TRIM37: variants seen among roughly 807,000 people sequenced by gnomAD.
TRIM37 encodes tripartite motif containing 37.
A neutral mutation model predicts 129.8 loss-of-function variants in TRIM37; 80 were observed. The observed-to-expected ratio is 0.62, with a 90% CI of 0.51 to 0.74. The LOEUF (loss-of-function observed/expected upper bound fraction) is 0.74. Ranked by LOEUF, TRIM37 falls within the 30% of genes least tolerant of loss-of-function variation. The pLI, the probability that TRIM37 is intolerant of heterozygous loss-of-function variation, is 0.00. For missense variants in TRIM37, 1,054 were observed against 1,176.5 expected (o/e 0.90, Z 1.52); for synonymous variants, 389 against 387.1 (o/e 1.00, Z -0.06).
intron 21 of TRIM37, among the ~76,000 whole-genome samples, chr17:59,014,901 C>T (rs1390993549): frequency 6.7e-6 from 1 of 149,090 alleles, no homozygotes; most frequent in Non-Finnish European, 1.5e-5. Context: ...CCCATCTCTA[C>T]TAAAAATACC....
chr17:58,987,778 T>G (rs988838486), intron 24 of TRIM37, among the ~76,000 whole-genome samples: 1 of 152,202 alleles, frequency 6.6e-6, no homozygotes, highest in African/African-American at 2.4e-5. Flanking sequence ...ATTCAAACAT[T>G]TAAAAAACTA....
chr17:59,051,377 T>C, intron 13 of TRIM37, 49 bp from the exon 14 acceptor site: 2 of 1,330,702 alleles, frequency 1.5e-6, no homozygotes, highest in Non-Finnish European at 2.2e-6. Flanking sequence ...TAGTAAAACA[T>C]TATCAGTCTA....
intron 22 of TRIM37, among the ~76,000 whole-genome samples, chr17:59,007,600 C>G (rs955182816): frequency 6.6e-6 from 1 of 151,962 alleles, no homozygotes; most frequent in Non-Finnish European, 1.5e-5. Context: ...TTACAAAGAA[C>G]AAGAAATAAA....
At chr17:59,013,987 G>GA (rs574979015) in intron 21 of TRIM37, among the ~76,000 whole-genome samples, 115 of 142,804 alleles carry the variant, frequency 8.1e-4, no homozygotes, top group South Asian at 1.3e-3. Context: ...TTACACTCTA[G>GA]AAAAAAAAAA....
chr17:59,029,985 G>A (rs948180956), intron 18 of TRIM37, among the ~76,000 whole-genome samples: 1 of 141,256 alleles, frequency 7.1e-6, no homozygotes, highest in Admixed American at 6.9e-5. Flanking sequence ...AGTAAAAACA[G>A]ATATTCATCA....
At chr17:59,081,715 C>T (rs145848712) in intron 5 of TRIM37, among the ~76,000 whole-genome samples, 186 of 151,958 alleles carry the variant, frequency 1.2e-3, no homozygotes, top group Middle Eastern at 3.4e-3. Context: ...CATGACTGGC[C>T]TGGCCAACAC....
intron 20 of TRIM37, 120 bp downstream of exon 20, chr17:59,017,176 T>C: frequency 1.5e-6 from 2 of 1,336,346 alleles, no homozygotes; most frequent in South Asian, 1.2e-5. Flanking sequence ...AAAAAGAAAC[T>C]TTCAAATCCA....
intron 2 of TRIM37, among the ~76,000 whole-genome samples, chr17:59,103,920 C>T (rs1462647057): frequency 1.3e-5 from 2 of 152,118 alleles, no homozygotes; most frequent in Non-Finnish European, 2.9e-5. Flanking sequence ...CACCAACACT[C>T]AAGTTTTAAA....
In TRIM37 at chr17:59,032,045, C is replaced by T. The variant is rs756353741; in HGVS notation, c.1799G>A (p.Arg600Lys). ...YVGSSSRISR[R>K]THLCSAATSS... ...GGTAGCAGCGGAGCATAAATGTGTT[C>T]TTCTTGATATTCTACTACTGGAACC... is the stretch of plus-strand genomic sequence containing the variant. Residue 600 changes from arginine (R) to lysine (K), a missense_variant, in exon 18 of 24, where the codon AGA becomes AAA. Transcript: ENST00000262294. 3.7e-6 allele frequency: 6 copies of T among 1,614,096 alleles called. No individual in the cohort carries two copies. Among genetic ancestry groups the T allele is most frequent in the Non-Finnish European group, 5.1e-6 (6 of 1,180,032 alleles).
intron 2 of TRIM37, among the ~76,000 whole-genome samples, chr17:59,096,549 CA>C (rs11463387): frequency 1.5e-4 from 14 of 90,794 alleles, no homozygotes; most frequent in South Asian, 3.8e-4. Context: ...GACTCTGTCT[CA>C]AAAAAAAAAA....
At chr17:59,091,487 T>C (rs552416422) in intron 2 of TRIM37, 147 bp from the exon 3 acceptor site, 16 of 147,602 alleles carry the variant, frequency 1.1e-4, no homozygotes, top group Non-Finnish European at 1.7e-4. Flanking sequence ...ATATAATATA[T>C]AATATATTAT....
At chr17:58,973,666 A>G in the TRIM37 span, among the ~76,000 whole-genome samples, 1 of 151,014 alleles carries the variant, frequency 6.6e-6, no homozygotes, top group African/African-American at 2.4e-5. Flanking sequence ...AACAAAAAAA[A>G]CAAAGGCCGG....
the TRIM37 span, chr17:58,972,004 A>G: frequency 4.8e-6 from 4 of 835,728 alleles, no homozygotes; most frequent in Non-Finnish European, 7.2e-6. Flanking sequence ...GAATTATTAT[A>G]TATGTGTGAA....
intron 16 of TRIM37, 38 bp from the exon 17 acceptor site, chr17:59,041,936 T>C: frequency 6.7e-7 from 1 of 1,484,582 alleles, no homozygotes. Flanking sequence ...TATAGAGTGA[T>C]ACAATAAACG....
chr17:59,100,033 T>C (rs1489301856), intron 2 of TRIM37, among the ~76,000 whole-genome samples: 2 of 152,066 alleles, frequency 1.3e-5, no homozygotes, highest in Non-Finnish European at 2.9e-5. Context: ...AACTCCCGAA[T>C]TCAGGTGATC....
chr17:59,061,337 A>T (rs2041472996), intron 11 of TRIM37, among the ~76,000 whole-genome samples: 1 of 152,106 alleles, frequency 6.6e-6, no homozygotes, highest in Non-Finnish European at 1.5e-5. Flanking sequence ...CAACAACCAC[A>T]ACAAAGGTTA....
chr17:58,990,230 C>T (rs1567912330), intron 24 of TRIM37, among the ~76,000 whole-genome samples: 1 of 141,074 alleles, frequency 7.1e-6, no homozygotes, highest in Non-Finnish European at 1.5e-5. Flanking sequence ...GTAGCTCACA[C>T]CTATAATCCC....
At chr17:59,046,475 A>C (rs756700084) in intron 16 of TRIM37, among the ~76,000 whole-genome samples, 1 of 152,072 alleles carries the variant, frequency 6.6e-6, no homozygotes, top group Non-Finnish European at 1.5e-5. Flanking sequence ...ACTAATCCAA[A>C]CTGAGGGACT....
At chr17:58,994,768 G>A (rs1321267217), downstream of TRIM37, among the ~76,000 whole-genome samples, 2 of 146,970 alleles carry the variant, frequency 1.4e-5, no homozygotes, top group Non-Finnish European at 3.0e-5. Context: ...TTTTTTTTGA[G>A]ACAGAGTTTC....
Sources: allele counts gnomAD v4.1 joint callset (sites outside exome capture counted in the v4.1 genomes callset), GRCh38; gene constraint gnomAD v4.1.1; transcripts MANE v1.5; gene names NCBI Gene and HGNC (gene_info 2026-07-23, HGNC 2026-07-21).